Variants in SLIT2 observed in about 807,000 individuals in gnomAD.
The protein encoded by SLIT2 is slit guidance ligand 2, also known as slit homolog 2 protein.
A neutral mutation model predicts 185.7 loss-of-function variants in SLIT2; 41 were observed. The observed-to-expected ratio is 0.22, with a 90% confidence interval of 0.17 to 0.29. SLIT2 has a LOEUF of 0.29. Among genes scored for constraint, SLIT2 ranks in the 10% least tolerant of loss-of-function variants. SLIT2 has a pLI of 1.00. For synonymous variants in SLIT2, 693 were observed against 680.2 expected, an observed-to-expected ratio of 1.02 and a Z score of -0.29; for missense variants, 1,571 against 1,909.0, an observed-to-expected ratio of 0.82 and a Z score of 3.30.
At chr4:20,348,404 A>AT (rs57165574) in intron 4 of SLIT2, among the ~76,000 whole-genome samples, 26,509 of 148,426 alleles carry the variant, frequency 0.18, 2,742 homozygotes, top group East Asian at 0.45. Flanking sequence ...ATGCCTGGCT[A>AT]TTTTTTTTTT....
intron 4 of SLIT2, among the ~76,000 whole-genome samples, chr4:20,286,844 A>T (rs1715319783): frequency 6.6e-6 from 1 of 152,116 alleles, no homozygotes; most frequent in Non-Finnish European, 1.5e-5. Flanking sequence ...TTGCCCAAAG[A>T]TCATTTTGTA....
rs1729970177 is a variant in SLIT2, at chr4:20,620,094, T to C, written c.*1085T>C. 9.0e-6 allele frequency: 2 copies of C among 222,112 alleles called. No homozygotes were observed. The highest frequency in any genetic ancestry group is 1.8e-5 in the Non-Finnish European group (2 of 110,524). The allele number at this position is 222,112 out of a possible 1,614,324, so 13.8% of individuals were successfully genotyped here. A position where few individuals can be genotyped will look rare whatever the true frequency, so the allele number is the denominator to read the frequency against. On this transcript the variant is annotated 3_prime_UTR_variant, in exon 37 of 37. Coordinates refer to ENST00000504154, the MANE Select transcript of SLIT2 (RefSeq NM_004787.4). Reference sequence around the variant, plus strand: ...GGAAAACAGAAATCTGTATGTGAGATGGTCATTGTACAGAAAGAAGTGGCC... The same window carrying C: ...GGAAAACAGAAATCTGTATGTGAGACGGTCATTGTACAGAAAGAAGTGGCC...
intron 9 of SLIT2, among the ~76,000 whole-genome samples, chr4:20,499,723 C>T (rs577586353): frequency 6.6e-6 from 1 of 152,034 alleles, no homozygotes; most frequent in Non-Finnish European, 1.5e-5. Flanking sequence ...CTCCTGACCT[C>T]GTGATCTGCC....
chr4:20,464,433 C>A (rs371194864), intron 4 of SLIT2, among the ~76,000 whole-genome samples: 1 of 152,116 alleles, frequency 6.6e-6, no homozygotes, highest in Non-Finnish European at 1.5e-5. Flanking sequence ...AAATCAACTC[C>A]AATCAAGCCA....
intron 4 of SLIT2, among the ~76,000 whole-genome samples, chr4:20,297,767 A>G (rs1406116080): frequency 6.6e-6 from 1 of 151,590 alleles, no homozygotes; most frequent in African/African-American, 2.4e-5. Context: ...ACCATGAGGA[A>G]AAACAAATAG....
intron 4 of SLIT2, among the ~76,000 whole-genome samples, chr4:20,281,191 A>G (rs1478945727): frequency 1.1e-4 from 17 of 152,200 alleles, no homozygotes; most frequent in Admixed American, 9.8e-4. Flanking sequence ...GGTGATCTTG[A>G]TACTTGATAA....
chr4:20,587,168 G>A (rs1043293867), intron 29 of SLIT2, among the ~76,000 whole-genome samples: 8 of 151,582 alleles, frequency 5.3e-5, no homozygotes, highest in East Asian at 3.9e-4. Flanking sequence ...ACAGGCCCCC[G>A]CCACCACACC....
chr4:20,266,383 T>TGGAAA (rs1713040204), intron 3 of SLIT2, among the ~76,000 whole-genome samples: 2 of 151,882 alleles, frequency 1.3e-5, no homozygotes, highest in South Asian at 4.1e-4. Flanking sequence ...GTTGATGGAA[T>TGGAAA]GGAAAGGAGG....
At chr4:20,257,967 A>G (rs1393162913) in intron 3 of SLIT2, 28 bp downstream of exon 3, 2 of 1,031,924 alleles carry the variant, frequency 1.9e-6, no homozygotes, top group Admixed American at 2.0e-5. Flanking sequence ...CAAAGTTATG[A>G]CAACATAACT....
intron 9 of SLIT2, among the ~76,000 whole-genome samples, chr4:20,507,639 T>C (rs911188520): frequency 2.0e-5 from 3 of 151,664 alleles, no homozygotes; most frequent in African/African-American, 7.2e-5. Context: ...TTGTACAGAG[T>C]AGACATTAAA....
intron 4 of SLIT2, among the ~76,000 whole-genome samples, chr4:20,276,885 A>T (rs1714222526): frequency 6.6e-6 from 1 of 152,224 alleles, no homozygotes; most frequent in Non-Finnish European, 1.5e-5. Context: ...CAAGGATAAA[A>T]AGTCATTGCA....
intron 4 of SLIT2, among the ~76,000 whole-genome samples, chr4:20,403,535 T>C (rs1164858044): frequency 6.6e-6 from 1 of 152,018 alleles, no homozygotes; most frequent in East Asian, 1.9e-4. Flanking sequence ...TTGTTTCATT[T>C]CCTCTTCTAG....
At chr4:20,375,313 T>C (rs1723931424) in intron 4 of SLIT2, among the ~76,000 whole-genome samples, 1 of 152,028 alleles carries the variant, frequency 6.6e-6, no homozygotes, top group Non-Finnish European at 1.5e-5. Context: ...TAAATAATTG[T>C]AGAAATGGTA....
chr4:20,399,720 A>G (rs1256461731), intron 4 of SLIT2, among the ~76,000 whole-genome samples: 2 of 151,792 alleles, frequency 1.3e-5, no homozygotes, highest in East Asian at 1.9e-4. Context: ...AATTGCTACA[A>G]GGAAAAAGTT....
chr4:20,539,912 T>C (rs1232080181), intron 19 of SLIT2, among the ~76,000 whole-genome samples: 3 of 152,194 alleles, frequency 2.0e-5, no homozygotes, highest in Admixed American at 6.5e-5. Flanking sequence ...TTTTTGCCAG[T>C]GTTCTCACAT....
At chr4:20,489,379 T>C (rs1316200873) in intron 8 of SLIT2, among the ~76,000 whole-genome samples, 2 of 152,216 alleles carry the variant, frequency 1.3e-5, no homozygotes, top group Non-Finnish European at 1.5e-5. Flanking sequence ...AATTCAGCCA[T>C]AGTTGCAAAG....
Position 20,549,040 on chromosome 4 carries a change from C to A in SLIT2, c.2418-17C>A. The A allele has an allele frequency of 6.7e-7, 1 of 1,497,284 alleles. No homozygotes were observed. Among genetic ancestry groups the A allele is most frequent in the Non-Finnish European group, 9.3e-7 (1 of 1,075,134 alleles). The allele number at this position is 1,497,284 out of a possible 1,614,324, so 92.7% of individuals were successfully genotyped here. ...TGGATTTCTGAATAAAACAAATTGA[C>A]ATATGTATGCTTTCAGAATTCTTAG... On this transcript the variant is annotated splice_polypyrimidine_tract_variant and intron_variant, in intron 23 of 36. Coordinates refer to ENST00000504154, the MANE Select transcript of SLIT2 (RefSeq NM_004787.4).
chr4:20,358,198 A>G (rs1360731055), intron 4 of SLIT2, among the ~76,000 whole-genome samples: 4 of 152,168 alleles, frequency 2.6e-5, no homozygotes, highest in Admixed American at 2.6e-4. Context: ...AGATTACTGG[A>G]TCTGCTTCTC....
rs534410525 is a variant in SLIT2 at position 20,455,645 on chromosome 4, G to A, written c.396-12107G>A. 7.9e-5 allele frequency among the ~76,000 whole-genome samples: 12 copies of A among 152,216 alleles called. No individual in the cohort carries two copies. In the East Asian group the frequency reaches 1.7e-3, roughly 22 times the overall value. On this transcript the variant is annotated intron_variant, in intron 4 of 36. Transcript: ENST00000504154. ...TACAGATACATGCTACAACCTGGGG[G>A]TTAGAAAAGGGAGAACTGCTAATGA...
Sources: gnomAD v4.1 joint callset for allele counts (sites outside exome capture counted in the v4.1 genomes callset) on GRCh38, gnomAD v4.1.1 for gene constraint, MANE v1.5 for transcripts, NCBI Gene and HGNC (gene_info 2026-07-23, HGNC 2026-07-21) for gene names.